SLC60A2: variants seen among roughly 807,000 people sequenced by gnomAD.
The protein encoded by SLC60A2 is major facilitator superfamily domain containing 4B.
chr6:111,273,249 C>T, the SLC60A2 span, among the ~76,000 whole-genome samples: 5 of 152,028 alleles, frequency 3.3e-5, no homozygotes, highest in Admixed American at 6.6e-5. Flanking sequence ...CTTTTAGGCT[C>T]AAGCAGTCCC....
chr6:111,263,713 C>T, the SLC60A2 span: 1 of 591,792 alleles, frequency 1.7e-6, no homozygotes, highest in African/African-American at 1.8e-5. Context: ...AAACTCTCAT[C>T]TACTCATTAT....
At chr6:111,259,798 C>T in the SLC60A2 span, 1 of 1,445,768 alleles carries the variant, frequency 6.9e-7, no homozygotes, top group Non-Finnish European at 9.4e-7. Context: ...GCAAACTGAC[C>T]TTGGGCGCGT....
At chr6:111,259,472 C>T in the SLC60A2 span, 4 of 476,204 alleles carry the variant, frequency 8.4e-6, no homozygotes, top group Non-Finnish European at 1.1e-5. Flanking sequence ...CAGTGCTCTT[C>T]TCGGAGCTCC....
the SLC60A2 span, among the ~76,000 whole-genome samples, chr6:111,261,681 C>T: frequency 2.4e-4 from 36 of 152,190 alleles, no homozygotes; most frequent in East Asian, 6.4e-3. Flanking sequence ...GCAACCTCCG[C>T]ATCCCGTGTT....
the SLC60A2 span, among the ~76,000 whole-genome samples, chr6:111,272,975 C>T: frequency 6.6e-6 from 1 of 151,756 alleles, no homozygotes; most frequent in Non-Finnish European, 1.5e-5. Flanking sequence ...GGATTACAGG[C>T]ATCCACCACC....
the SLC60A2 span, chr6:111,266,949 A>G: frequency 1.2e-6 from 2 of 1,614,198 alleles, no homozygotes; most frequent in Admixed American, 1.7e-5. Flanking sequence ...GAATGATACA[A>G]TGAGGCATTC....
At chr6:111,277,997 C>T in the SLC60A2 span, 1 of 152,216 alleles carries the variant, frequency 6.6e-6, no homozygotes, top group Non-Finnish European at 1.5e-5. Context: ...TTATCACTTG[C>T]AGTGAACTCT....
chr6:111,266,575 C>T, the SLC60A2 span: 113 of 1,614,038 alleles, frequency 7.0e-5, 1 homozygote, highest in South Asian at 3.0e-4. Flanking sequence ...ACCACATTTC[C>T]GAGTGGTGTT....
chr6:111,273,214 A>G, the SLC60A2 span, among the ~76,000 whole-genome samples: 4 of 152,190 alleles, frequency 2.6e-5, no homozygotes, highest in Non-Finnish European at 5.9e-5. Flanking sequence ...GCAGTCGCCT[A>G]ATCATGGCTC....
the SLC60A2 span, chr6:111,269,438 G>GATCT: frequency 6.6e-6 from 1 of 152,240 alleles, no homozygotes; most frequent in African/African-American, 2.4e-5. Flanking sequence ...GATCTCAAGT[G>GATCT]ATCTGCCCAC....
chr6:111,268,367 T>C, the SLC60A2 span: 3 of 152,216 alleles, frequency 2.0e-5, no homozygotes, highest in African/African-American at 7.2e-5. Context: ...TTTAACATTG[T>C]GACAAAGTTT....
the SLC60A2 span, chr6:111,267,342 A>T: frequency 2.2e-6 from 1 of 457,526 alleles, no homozygotes; most frequent in Non-Finnish European, 3.9e-6. Context: ...TTATAACGCT[A>T]TCATTTGACA....
At chr6:111,263,834 C>G in the SLC60A2 span, 1 of 1,578,364 alleles carries the variant, frequency 6.3e-7, no homozygotes, top group South Asian at 1.1e-5. Context: ...TCCCAGGAAT[C>G]TCAATGTCGG....
the SLC60A2 span, among the ~76,000 whole-genome samples, chr6:111,262,064 CTG>C: frequency 2.0e-5 from 3 of 151,300 alleles, no homozygotes; most frequent in Non-Finnish European, 2.9e-5. Context: ...TTTTTAAAAA[CTG>C]AGAGGTGTCA....
chr6:111,259,756 G>T, the SLC60A2 span: 33 of 1,559,432 alleles, frequency 2.1e-5, no homozygotes, highest in Middle Eastern at 1.7e-4. Flanking sequence ...ACACTCCCAG[G>T]CCGGGGCGTT....
the SLC60A2 span, among the ~76,000 whole-genome samples, chr6:111,279,039 A>G: frequency 3.3e-5 from 5 of 152,156 alleles, no homozygotes; most frequent in Non-Finnish European, 7.4e-5. Context: ...TTAAATACCA[A>G]TTTGGTCTGG....
At chr6:111,274,439 TTTTTTG>T in the SLC60A2 span, among the ~76,000 whole-genome samples, 2 of 151,972 alleles carry the variant, frequency 1.3e-5, no homozygotes, top group African/African-American at 4.8e-5. Flanking sequence ...GGTAATGGGG[TTTTTTG>T]TTTTTTTGTT....
chr6:111,277,451 C>T, the SLC60A2 span, among the ~76,000 whole-genome samples: 2,496 of 152,238 alleles, frequency 0.016, 27 homozygotes, highest in South Asian at 0.06. Context: ...CTCATCTGTG[C>T]GGACCAGAAA....
chr6:111,267,142 A>G, the SLC60A2 span: 10 of 1,571,284 alleles, frequency 6.4e-6, no homozygotes, highest in East Asian at 6.7e-5. Context: ...ACTCACTGAC[A>G]TCTTTGAATA....
Sources: allele counts gnomAD v4.1 joint callset (sites outside exome capture counted in the v4.1 genomes callset), GRCh38; gene constraint gnomAD v4.1.1; transcripts MANE v1.5; gene names NCBI Gene and HGNC (gene_info 2026-07-23, HGNC 2026-07-21).